The following RAET1E variants were observed in gnomAD, a reference collection of about 807,000 sequenced individuals.
The protein encoded by RAET1E is retinoic acid early transcript 1E.
In RAET1E, 27 loss-of-function variants were observed where a neutral mutation model predicts 21.1. The ratio of observed to expected loss-of-function variants is 1.28; its 90% CI spans 0.94 to 1.76. The LOEUF (loss-of-function observed/expected upper bound fraction) is 1.76. RAET1E is among the 40% of genes most tolerant of loss of function. RAET1E has a pLI of 0.00. For synonymous variants in RAET1E, 113 were observed against 115.0 expected (o/e 0.98, Z 0.11); for missense variants, 310 against 311.3 (o/e 1.00, Z 0.03).
In RAET1E at chr6:149,890,850, G is replaced by A. The variant is rs371803337; in HGVS notation, c.52C>T (p.Leu18=). The A allele has an allele frequency of 6.2e-7, 1 of 1,613,586 alleles. No homozygotes were observed. Among genetic ancestry groups the A allele is most frequent in the African/African-American group, 1.3e-5 (1 of 75,034 alleles). ...SSPVRLLLFL[L]LLLIALEIMV... is the part of the protein sequence containing the mutation. The stretch of plus-strand genomic sequence containing the variant: ...ATCTCCAAGGCTATTAGTAGCAACA[G>A]CAGAAACAAAAGAAGGCGCACAGGG... The change falls in exon 3 of 6, where the codon CTG becomes TTG. Residue 18 remains leucine (L), a synonymous_variant. Transcript: ENST00000357183.
At position 149,884,922 on chromosome 6, in the gene RAET1E, A is replaced by G. The variant is rs143908908; in HGVS notation, c.*3576T>C. 1.2e-4 allele frequency among the ~76,000 whole-genome samples: 19 copies of G among 152,236 alleles called. No homozygotes were observed. Among genetic ancestry groups the G allele is most frequent in the South Asian group, 1.2e-3 (6 of 4,826 alleles). ...AGGTGTCAAAGGAATCCCACCTTCT[A>G]GTCCTTGCTGTCCTCACAGAGTGTC... On this transcript the variant is annotated 3_prime_UTR_variant, in exon 6 of 6. Transcript: ENST00000357183.
At chr6:149,896,095 G>T (rs561052208) in intron 1 of RAET1E, 63 bp from the exon 2 acceptor site, 1 of 152,350 alleles carries the variant, frequency 6.6e-6, no homozygotes, top group South Asian at 2.1e-4. Context: ...AGGCAAACAT[G>T]CGGCCTGTAA....
At chr6:149,891,395 G>A (rs1777888215) in intron 2 of RAET1E, among the ~76,000 whole-genome samples, 1 of 152,024 alleles carries the variant, frequency 6.6e-6, no homozygotes, top group Non-Finnish European at 1.5e-5. Flanking sequence ...CCTCTTAAAT[G>A]GTTGAGATTT....
In RAET1E at chr6:149,887,591, G is replaced by A. The variant is rs1446237123; in HGVS notation, c.*907C>T. Reference sequence around the variant, plus strand: ...ATGGTATTCGTTTAAGCAATGAAAAGGGTAGAATCATTTCTTACATCAGAA... The same window carrying A: ...ATGGTATTCGTTTAAGCAATGAAAAAGGTAGAATCATTTCTTACATCAGAA... On this transcript the variant is annotated 3_prime_UTR_variant, in exon 6 of 6. Coordinates refer to ENST00000357183, the MANE Select transcript of RAET1E (RefSeq NM_001394057.1). 2.0e-5 allele frequency among the ~76,000 whole-genome samples: 3 copies of A among 152,198 alleles called. No homozygotes were observed. Among genetic ancestry groups the A allele is most frequent in the Non-Finnish European group, 2.9e-5 (2 of 68,046 alleles).
In RAET1E at chr6:149,884,703, A is replaced by G. The variant is rs1261262189; in HGVS notation, c.*3795T>C. Reference sequence around the variant, plus strand: ...TCATCATTAGTTAGACCCAGACCCCAGCAGAGATTTTAGGGGTTCAGAGCC... The same window carrying G: ...TCATCATTAGTTAGACCCAGACCCCGGCAGAGATTTTAGGGGTTCAGAGCC... On this transcript the variant is annotated 3_prime_UTR_variant, in exon 6 of 6. Coordinates refer to ENST00000357183, the MANE Select transcript of RAET1E (RefSeq NM_001394057.1). Among the ~76,000 whole-genome samples the G allele has an allele frequency of 6.6e-6, 1 of 152,194 alleles. No homozygotes were observed. The highest frequency in any genetic ancestry group is 1.5e-5 in the Non-Finnish European group (1 of 68,034).
intron 2 of RAET1E, 143 bp from the exon 3 acceptor site, chr6:149,891,177 C>T (rs1777877513): frequency 3.2e-6 from 1 of 316,698 alleles, no homozygotes; most frequent in Admixed American, 4.2e-5. Flanking sequence ...CCTGTCCCTG[C>T]TGCCCCTGCA....
intron 3 of RAET1E, 56 bp from the exon 4 acceptor site, chr6:149,890,201 C>A: frequency 6.3e-7 from 1 of 1,592,614 alleles, no homozygotes; most frequent in Non-Finnish European, 8.6e-7. Context: ...CCATTAGAAC[C>A]TGCGCTTCTG....
intron 2 of RAET1E, among the ~76,000 whole-genome samples, chr6:149,892,448 C>T (rs1057444630): frequency 6.6e-6 from 1 of 152,220 alleles, no homozygotes; most frequent in Non-Finnish European, 1.5e-5. Flanking sequence ...TTGCATTTCT[C>T]TAACGACCAG....
In RAET1E at chr6:149,889,542, T is replaced by C. The variant is rs778099649; in HGVS notation, c.428A>G (p.Asn143Ser). The change falls in exon 5 of 6, where the codon AAT (asparagine) becomes AGT (serine). Residue 143 changes from asparagine to serine, a missense_variant. Transcript: ENST00000357183. Reference sequence around the variant, plus strand: ...GTCAAAGAGGAGGGATTTCTCTCCATTGGTGGCGAACTGCCAGGATGCACC... The same window carrying C: ...GTCAAAGAGGAGGGATTTCTCTCCACTGGTGGCGAACTGCCAGGATGCACC... ...CTGASWQFATNGEKSLLFDAM... is the reference protein window; with the variant it reads ...CTGASWQFATSGEKSLLFDAM... 1.1e-5 allele frequency: 18 copies of C among 1,614,192 alleles called. No homozygotes were observed. Among genetic ancestry groups the C allele is most frequent in the Admixed American group, 5.0e-5 (3 of 60,032 alleles).
At chr6:149,893,440 G>C (rs1777991731) in intron 2 of RAET1E, among the ~76,000 whole-genome samples, 1 of 152,054 alleles carries the variant, frequency 6.6e-6, no homozygotes. Flanking sequence ...TGTATTCCTA[G>C]GTATTTTATT....
chr6:149,883,279 A>G lies in RAET1E; in HGVS notation c.*5219T>C, dbSNP rs1777475206. 7 of 152,322 alleles carry G rather than the reference A, an allele frequency of 4.6e-5. No individual in the cohort carries two copies. 9.4% of individuals were successfully genotyped at this position (152,322 alleles called of 1,614,324 possible). ...ATCACTGAGAATGGAGGAGAAAAAG[A>G]AAGATTTCCATATTACATTTATTTA... On this transcript the variant is annotated 3_prime_UTR_variant, in exon 6 of 6. Transcript: ENST00000357183.
intron 2 of RAET1E, among the ~76,000 whole-genome samples, chr6:149,891,826 C>G (rs1341371774): frequency 6.6e-6 from 1 of 152,054 alleles, no homozygotes; most frequent in East Asian, 1.9e-4. Flanking sequence ...TTTGCTGCAC[C>G]CATCAACCCA....
At chr6:149,891,639 C>T (rs1018410461) in intron 2 of RAET1E, among the ~76,000 whole-genome samples, 8 of 152,142 alleles carry the variant, frequency 5.3e-5, no homozygotes, top group African/African-American at 1.9e-4. Flanking sequence ...ATAATCCCAG[C>T]ACTTTGGGAG....
intron 2 of RAET1E, among the ~76,000 whole-genome samples, chr6:149,895,158 A>T (rs1778064789): frequency 6.6e-6 from 1 of 152,220 alleles, no homozygotes; most frequent in Admixed American, 6.5e-5. Context: ...CACCTGCCAG[A>T]TGCCAGCCAG....
rs759856172 is a variant in RAET1E at position 149,890,919 on chromosome 6, G to A, written c.-18C>T. 6.4e-7 allele frequency: 1 copy of A among 1,564,614 alleles called. No homozygotes were observed. The highest frequency in any genetic ancestry group is 8.8e-7 in the Non-Finnish European group (1 of 1,136,166). The stretch of plus-strand genomic sequence containing the variant: ...CTTCGCATACTGTGGAGAGTAACAG[G>A]CAGGAAGCTGGGCGTGTACACATTC... On this transcript the variant is annotated 5_prime_UTR_variant, in exon 3 of 6. Coordinates refer to ENST00000357183, the MANE Select transcript of RAET1E (RefSeq NM_001394057.1).
At chr6:149,896,308 C>G (rs1046370617) in intron 1 of RAET1E, 1 of 152,276 alleles carries the variant, frequency 6.6e-6, no homozygotes, top group African/African-American at 2.4e-5. Context: ...TAACCATGGA[C>G]TATCGGCAGG....
intron 5 of RAET1E, among the ~76,000 whole-genome samples, 179 bp from the exon 6 acceptor site, chr6:149,888,846 G>T (rs1777744290): frequency 2.0e-5 from 3 of 152,168 alleles, no homozygotes. Flanking sequence ...AATAGGGGTT[G>T]TGCCTTGTCC....
At chr6:149,889,040 A>C in intron 5 of RAET1E, 1 of 1,311,714 alleles carries the variant, frequency 7.6e-7, no homozygotes, top group Admixed American at 3.3e-5. Context: ...GGGTAATTAT[A>C]ATAGAGGAAG....
chr6:149,884,222 C>A lies in RAET1E; in HGVS notation c.*4276G>T. 2.3e-6 allele frequency: 1 copy of A among 433,030 alleles called. No individual in the cohort carries two copies. The highest frequency in any genetic ancestry group is 3.4e-5 in the Admixed American group (1 of 29,656). 26.8% of individuals were successfully genotyped at this position (433,030 alleles called of 1,614,324 possible). On this transcript the variant is annotated 3_prime_UTR_variant, in exon 6 of 6. Coordinates refer to ENST00000357183, the MANE Select transcript of RAET1E (RefSeq NM_001394057.1). The stretch of plus-strand genomic sequence containing the variant: ...CAGATTCCTGGGCTCAAGTGATCCT[C>A]CTGCCTAGGCCTCCCAAAGTGTTGG...
Sources: allele counts gnomAD v4.1 joint callset (sites outside exome capture counted in the v4.1 genomes callset), GRCh38; gene constraint gnomAD v4.1.1; transcripts MANE v1.5; gene names NCBI Gene and HGNC (gene_info 2026-07-23, HGNC 2026-07-21).